The following ARHGEF17 variants were observed in gnomAD, a reference collection of about 807,000 sequenced individuals.
The protein encoded by ARHGEF17 is 164 kDa Rho-specific guanine-nucleotide exchange factor.
Under a neutral mutation model 174.0 loss-of-function variants are expected in ARHGEF17, and 80 were observed. The ratio of observed to expected loss-of-function variants is 0.46; its 90% CI spans 0.38 to 0.55. The LOEUF is 0.55. Ranked by LOEUF, ARHGEF17 falls within the 20% of genes least tolerant of loss-of-function variation. The probability of loss-of-function intolerance (pLI) is 0.00; values close to 1 mark genes in which losing one functional copy is unlikely to be tolerated. For synonymous variants in ARHGEF17, 1,311 were observed against 1,189.1 expected (o/e 1.10, Z -2.11); for missense variants, 2,886 against 2,839.7 (o/e 1.02, Z -0.37).
chr11:73,363,140 C>G, intron 14 of ARHGEF17, 66 bp from the exon 15 acceptor site: 1 of 1,463,558 alleles, frequency 6.8e-7, no homozygotes, highest in Non-Finnish European at 9.1e-7. Context: ...GATGCATGGC[C>G]TAGAAAGATA....
At chr11:73,314,042 T>TC (rs1001932878) in intron 1 of ARHGEF17, among the ~76,000 whole-genome samples, 3 of 152,206 alleles carry the variant, frequency 2.0e-5, no homozygotes, top group African/African-American at 7.2e-5. Context: ...TCCATCATCC[T>TC]CCAATTTCCC....
intron 12 of ARHGEF17, 57 bp from the exon 13 acceptor site, chr11:73,361,983 G>T: frequency 6.3e-7 from 1 of 1,579,800 alleles, no homozygotes; most frequent in Non-Finnish European, 8.6e-7. Context: ...CAGGAGTGGG[G>T]AATGCTGGCA....
chr11:73,329,987 A>C (rs1256062696), intron 1 of ARHGEF17, among the ~76,000 whole-genome samples: 1 of 152,184 alleles, frequency 6.6e-6, no homozygotes, highest in African/African-American at 2.4e-5. Flanking sequence ...GATAGGTCTC[A>C]GTGTATTTTA....
chr11:73,314,801 C>T (rs573215859), intron 1 of ARHGEF17, among the ~76,000 whole-genome samples: 1 of 152,174 alleles, frequency 6.6e-6, no homozygotes, highest in East Asian at 1.9e-4. Flanking sequence ...TGGTCAACAA[C>T]TCTTCCTGTG....
At chr11:73,352,780 T>G (rs1208414525) in intron 2 of ARHGEF17, 50 bp from the exon 3 acceptor site, 1 of 1,598,206 alleles carries the variant, frequency 6.3e-7, no homozygotes, top group Non-Finnish European at 8.5e-7. Context: ...GTAGGTGTGG[T>G]GGGGGCGGCA....
chr11:73,347,665 C>G (rs1028980533), intron 2 of ARHGEF17, among the ~76,000 whole-genome samples: 1 of 152,200 alleles, frequency 6.6e-6, no homozygotes, highest in Non-Finnish European at 1.5e-5. Flanking sequence ...CTGTGGGGGC[C>G]TAGAACACCA....
rs1036680668 is a variant in ARHGEF17, at chr11:73,330,693, A to G, written c.3193-16190A>G. Among the ~76,000 whole-genome samples the G allele has an allele frequency of 4.6e-5, 7 of 152,208 alleles. No homozygotes were observed. In the East Asian group the frequency reaches 1.2e-3, roughly 25 times the overall value. ...TTGTCTGTACTGTGTGACTTTGGGC[A>G]AGCCCCATCCCCTCTCTGGGCCTAG... On this transcript the variant is annotated intron_variant, in intron 1 of 20. Coordinates refer to ENST00000263674, the MANE Select transcript of ARHGEF17 (RefSeq NM_014786.4).
rs183278335 is a variant in ARHGEF17 at position 73,342,155 on chromosome 11, G to A, written c.3193-4728G>A. Among the ~76,000 whole-genome samples, 553 of 79,320 alleles carry A rather than the reference G, an allele frequency of 7.0e-3. 3 individuals carry two copies. The highest frequency in any genetic ancestry group is 0.04 in the South Asian group (148 of 3,692). The allele number at this position is 79,320 out of a possible 152,430, so 52.0% of individuals were successfully genotyped here. A position where few individuals can be genotyped will look rare whatever the true frequency, so the allele number is the denominator to read the frequency against. ...TCTAGGGATGGGAGCACAGTCTAGG[G>A]GTGGGAGCACAGTCTAGGGGTGGGA... is the stretch of plus-strand genomic sequence containing the variant. On this transcript the variant is annotated intron_variant, in intron 1 of 20. Transcript: ENST00000263674.
chr11:73,323,706 C>T (rs1038598122), intron 1 of ARHGEF17, among the ~76,000 whole-genome samples: 6 of 152,214 alleles, frequency 3.9e-5, no homozygotes, highest in Admixed American at 2.0e-4. Context: ...TTGCCTGGGG[C>T]GGGTGAGGAA....
At chr11:73,364,291 G>A (rs1865800715) in intron 17 of ARHGEF17, 52 bp downstream of exon 17, 2 of 1,609,704 alleles carry the variant, frequency 1.2e-6, no homozygotes, top group Admixed American at 1.7e-5. Context: ...ACTGGTGTTG[G>A]GGCTCTCTCC....
intron 1 of ARHGEF17, among the ~76,000 whole-genome samples, chr11:73,325,657 C>T (rs1249979575): frequency 6.6e-6 from 1 of 152,256 alleles, no homozygotes; most frequent in African/African-American, 2.4e-5. Flanking sequence ...CTGAGACCTT[C>T]CCTGGAGCAA....
intron 1 of ARHGEF17, among the ~76,000 whole-genome samples, chr11:73,313,675 C>T (rs1864880736): frequency 1.3e-5 from 2 of 152,250 alleles, no homozygotes; most frequent in South Asian, 4.1e-4. Flanking sequence ...AGGCCTCTCA[C>T]TTTTCCAGGC....
At chr11:73,355,255 A>G (rs1591755744) in intron 3 of ARHGEF17, among the ~76,000 whole-genome samples, 2 of 152,356 alleles carry the variant, frequency 1.3e-5, no homozygotes, top group East Asian at 3.9e-4. Context: ...TGAGAGAACC[A>G]GGTCTGAGCT....
intron 2 of ARHGEF17, among the ~76,000 whole-genome samples, chr11:73,350,433 T>A (rs1192162299): frequency 6.6e-6 from 1 of 152,084 alleles, no homozygotes; most frequent in Non-Finnish European, 1.5e-5. Flanking sequence ...ACACCCTGGG[T>A]TGAAACCCTG....
At chr11:73,334,814 C>G (rs1215792784) in intron 1 of ARHGEF17, among the ~76,000 whole-genome samples, 1 of 152,122 alleles carries the variant, frequency 6.6e-6, no homozygotes, top group African/African-American at 2.4e-5. Flanking sequence ...GAAACAGACC[C>G]TGGATAACTT....
intron 1 of ARHGEF17, among the ~76,000 whole-genome samples, chr11:73,344,379 C>T (rs74631699): frequency 5.6e-4 from 86 of 152,318 alleles, no homozygotes; most frequent in African/African-American, 2.0e-3. Context: ...TGTGCTCTGC[C>T]GCAGGGAGGA....
intron 3 of ARHGEF17, among the ~76,000 whole-genome samples, chr11:73,353,989 T>C (rs973018356): frequency 3.5e-4 from 54 of 152,212 alleles, no homozygotes; most frequent in African/African-American, 1.3e-3. Flanking sequence ...CTAAATGGTT[T>C]CTCAGAGCCA....
At chr11:73,362,940 A>C (rs1865772364) in intron 14 of ARHGEF17, among the ~76,000 whole-genome samples, 1 of 152,202 alleles carries the variant, frequency 6.6e-6, no homozygotes, top group South Asian at 2.1e-4. Context: ...ACCCTGGAGC[A>C]CTCAGCTAAG....
intron 20 of ARHGEF17, 118 bp downstream of exon 20, chr11:73,366,065 G>A (rs908700147): frequency 2.2e-6 from 3 of 1,344,516 alleles, no homozygotes; most frequent in East Asian, 4.8e-5. Flanking sequence ...AGCTGGAGGT[G>A]GCATATGTGA....
Sources: gnomAD v4.1 joint callset for allele counts (sites outside exome capture counted in the v4.1 genomes callset) on GRCh38, gnomAD v4.1.1 for gene constraint, MANE v1.5 for transcripts, NCBI Gene and HGNC (gene_info 2026-07-23, HGNC 2026-07-21) for gene names.